ARFIP1: variants seen among roughly 807,000 people sequenced by gnomAD.
ARFIP1 encodes ARF interacting protein 1.
ARFIP1 carries 24 observed loss-of-function variants against 42.5 expected under a neutral mutation model. The ratio of observed to expected loss-of-function variants is 0.57; its 90% CI spans 0.41 to 0.80. The LOEUF (loss-of-function observed/expected upper bound fraction) is 0.80, where lower values mean the gene tolerates loss of function less well. Ranked by LOEUF, ARFIP1 falls within the 30% of genes least tolerant of loss-of-function variation. The probability of loss-of-function intolerance (pLI) is 0.00; values close to 1 mark genes in which losing one functional copy is unlikely to be tolerated. For missense variants in ARFIP1, 354 were observed against 434.0 expected (o/e 0.82, Z 1.64); for synonymous variants, 141 against 153.7 (o/e 0.92, Z 0.61).
intron 7 of ARFIP1, among the ~76,000 whole-genome samples, chr4:152,884,333 G>T (rs1243869877): frequency 6.6e-6 from 1 of 151,658 alleles, no homozygotes; most frequent in Non-Finnish European, 1.5e-5. Context: ...ATTTTTCAAA[G>T]GGTTCATTAT....
At chr4:152,828,158 C>T (rs1730983461) in intron 1 of ARFIP1, among the ~76,000 whole-genome samples, 1 of 152,170 alleles carries the variant, frequency 6.6e-6, no homozygotes. Flanking sequence ...ATAAATAAGG[C>T]TGCTGTAAAC....
At chr4:152,893,621 A>AT (rs972470993) in intron 8 of ARFIP1, among the ~76,000 whole-genome samples, 1 of 152,126 alleles carries the variant, frequency 6.6e-6, no homozygotes, top group African/African-American at 2.4e-5. Context: ...TTTTATTCTT[A>AT]TTTTAAGAAG....
At chr4:152,849,370 C>T (rs1045330999) in intron 2 of ARFIP1, among the ~76,000 whole-genome samples, 118 of 151,880 alleles carry the variant, frequency 7.8e-4, no homozygotes, top group African/African-American at 2.8e-3. Flanking sequence ...GAGAGTGTGT[C>T]GTTATTTATA....
chr4:152,904,057 ATTTTTATTTTTAAGTTC>A (rs1005371404), intron 8 of ARFIP1, among the ~76,000 whole-genome samples: 2 of 150,764 alleles, frequency 1.3e-5, no homozygotes, highest in African/African-American at 4.9e-5. Flanking sequence ...TTTTTAAGTT[ATTTTTATTTTTAAGTTC>A]ATGGGTACAC....
intron 2 of ARFIP1, among the ~76,000 whole-genome samples, chr4:152,862,258 C>T (rs887743562): frequency 6.6e-6 from 1 of 152,132 alleles, no homozygotes; most frequent in African/African-American, 2.4e-5. Context: ...CTCCAGCGTT[C>T]CATATCATCC....
intron 2 of ARFIP1, among the ~76,000 whole-genome samples, chr4:152,843,912 C>G (rs1033926459): frequency 3.3e-5 from 5 of 152,142 alleles, no homozygotes; most frequent in Non-Finnish European, 5.9e-5. Flanking sequence ...GATTTGTGCC[C>G]TCCCCTGACT....
At chr4:152,847,350 C>T (rs977661857) in intron 2 of ARFIP1, among the ~76,000 whole-genome samples, 5 of 151,352 alleles carry the variant, frequency 3.3e-5, no homozygotes, top group African/African-American at 1.2e-4. Context: ...CCAGGCTGGT[C>T]TTGAACTCTT....
At chr4:152,835,762 T>C (rs1731597587) in intron 2 of ARFIP1, among the ~76,000 whole-genome samples, 1 of 152,180 alleles carries the variant, frequency 6.6e-6, no homozygotes, top group Non-Finnish European at 1.5e-5. Context: ...ACTGGGTAAT[T>C]TATAAAAAAA....
chr4:152,821,216 A>AGAAAGG (rs1307520099), intron 1 of ARFIP1, among the ~76,000 whole-genome samples: 1 of 152,222 alleles, frequency 6.6e-6, no homozygotes, highest in Non-Finnish European at 1.5e-5. Flanking sequence ...ACAAAAGAAC[A>AGAAAGG]GAAAGGCTAA....
chr4:152,809,949 A>ACAAC (rs1729316449), intron 1 of ARFIP1: 1 of 152,234 alleles, frequency 6.6e-6, no homozygotes, highest in Non-Finnish European at 1.5e-5. Flanking sequence ...AATGTACTTG[A>ACAAC]ACTTAACAAG....
In ARFIP1 at chr4:152,910,888, G is replaced by A. The variant is rs7689343; in HGVS notation, c.*669G>A. The stretch of plus-strand genomic sequence containing the variant: ...TTAAGCTTATGAATTTGCTTCACCC[G>A]AAGTCATTGGACAGTTACATTTGCA... On this transcript the variant is annotated 3_prime_UTR_variant, in exon 9 of 9. Coordinates refer to ENST00000353617, the MANE Select transcript of ARFIP1 (RefSeq NM_001025595.3). 102,897 of 152,324 alleles carry A rather than the reference G, an allele frequency of 0.68. 35,064 individuals are homozygous for A. Among genetic ancestry groups the A allele is most frequent in the African/African-American group, 0.75 (31,229 of 41,480 alleles). The allele number at this position is 152,324 out of a possible 1,614,324, so 9.4% of individuals were successfully genotyped here.
intron 8 of ARFIP1, among the ~76,000 whole-genome samples, chr4:152,898,757 CAT>C (rs1267491161): frequency 6.6e-6 from 1 of 152,126 alleles, no homozygotes. Context: ...GAATGGGTAA[CAT>C]GTGCATAGGC....
intron 1 of ARFIP1, among the ~76,000 whole-genome samples, chr4:152,794,192 A>C (rs1007684474): frequency 6.6e-6 from 1 of 152,188 alleles, no homozygotes; most frequent in Non-Finnish European, 1.5e-5. Context: ...CTCTTATTAG[A>C]ATGAAACCAA....
intron 1 of ARFIP1, among the ~76,000 whole-genome samples, chr4:152,824,022 T>A (rs1007900634): frequency 2.4e-4 from 37 of 151,612 alleles, no homozygotes; most frequent in Non-Finnish European, 3.8e-4. Flanking sequence ...AAAAAATAAT[T>A]CCCCATGAGG....
chr4:152,910,196 C>G lies in ARFIP1; in HGVS notation c.1099C>G (p.Pro367Ala). ...ATTGAAAACCCCTGGAGTGGATGCC[C>G]CATCTTGGCTTGAAGAACAGTAAAA... ...IKLKTPGVDA[P>A]SWLEEQ Residue 367 changes from proline to alanine, a missense_variant, in exon 9 of 9, where the codon CCA becomes GCA. By Grantham distance (27) the Pro-to-Ala change is conservative. Transcript: ENST00000353617. The G allele has an allele frequency of 6.2e-7, 1 of 1,613,396 alleles. No homozygotes were observed. Among genetic ancestry groups the G allele is most frequent in the South Asian group, 1.1e-5 (1 of 90,850 alleles).
chr4:152,804,133 TA>T (rs1728691090), intron 1 of ARFIP1, among the ~76,000 whole-genome samples: 1 of 123,654 alleles, frequency 8.1e-6, no homozygotes, highest in Non-Finnish European at 1.6e-5. Context: ...ATATATTATA[TA>T]TAATATAACA....
chr4:152,815,738 CTTTTTTTTTTTTTT>C (rs1218298842), intron 1 of ARFIP1, among the ~76,000 whole-genome samples: 1 of 85,548 alleles, frequency 1.2e-5, no homozygotes, highest in African/African-American at 4.4e-5. Context: ...CTGACCACTT[CTTTTTTTTTTTTTT>C]TTTTTTTTTT....
intron 8 of ARFIP1, among the ~76,000 whole-genome samples, chr4:152,894,815 A>G (rs969550061): frequency 1.3e-4 from 20 of 152,316 alleles, no homozygotes; most frequent in African/African-American, 4.6e-4. Flanking sequence ...GGTGCTCTCA[A>G]GGGAAGGTAC....
chr4:152,871,405 G>A (rs2149883563), intron 4 of ARFIP1, among the ~76,000 whole-genome samples: 1 of 152,074 alleles, frequency 6.6e-6, no homozygotes, highest in Admixed American at 6.5e-5. Flanking sequence ...TACCGTTACT[G>A]GACTATAAAA....
Sources: gnomAD v4.1 joint callset for allele counts (sites outside exome capture counted in the v4.1 genomes callset) on GRCh38, gnomAD v4.1.1 for gene constraint, MANE v1.5 for transcripts, NCBI Gene and HGNC (gene_info 2026-07-23, HGNC 2026-07-21) for gene names.